The following EXT2 variants were observed in gnomAD, a reference collection of about 807,000 sequenced individuals.
EXT2 encodes exostosin-2.
In EXT2, 53 loss-of-function variants were observed where a neutral mutation model predicts 81.6. The ratio of observed to expected loss-of-function variants is 0.65; its 90% CI spans 0.52 to 0.82. EXT2 has a LOEUF of 0.82. Ranked by LOEUF, EXT2 falls within the 40% of genes least tolerant of loss-of-function variation. The pLI, the probability that EXT2 is intolerant of heterozygous loss-of-function variation, is 0.00. For missense variants in EXT2, 774 were observed against 910.2 expected (o/e 0.85, Z 1.93); for synonymous variants, 320 against 340.0 (o/e 0.94, Z 0.65).
chr11:44,113,227 A>G (rs75362362), intron 3 of EXT2, among the ~76,000 whole-genome samples: 1,736 of 152,290 alleles, frequency 0.011, 35 homozygotes, highest in African/African-American at 0.04. Flanking sequence ...TAAACTGGTC[A>G]TGTTAGAAGG....
chr11:44,154,381 G>C (rs138744118), intron 7 of EXT2, among the ~76,000 whole-genome samples: 13 of 152,142 alleles, frequency 8.5e-5, no homozygotes, highest in African/African-American at 3.1e-4. Context: ...AAATGAGTGA[G>C]AACATGCCAA....
intron 7 of EXT2, among the ~76,000 whole-genome samples, chr11:44,169,642 T>G (rs1472246947): frequency 6.6e-6 from 1 of 152,176 alleles, no homozygotes; most frequent in East Asian, 1.9e-4. Flanking sequence ...TATTTTTGGA[T>G]GAGATAATAT....
chr11:44,119,155 TATATATATATATATACAC>T (rs1954274532), intron 4 of EXT2, among the ~76,000 whole-genome samples: 1 of 45,270 alleles, frequency 2.2e-5, no homozygotes, highest in Non-Finnish European at 5.0e-5. Context: ...TATATATATA[TATATATATATATATACAC>T]ATACACACAC....
rs7109033 is a variant in EXT2 at position 44,245,786 on chromosome 11, T to G, written c.*1499T>G. ...AAAGAAAGTTTCAGAAGTAGCAAAG[T>G]TGGAAGTGGAAATCATAAGAGTTTT... On this transcript the variant is annotated 3_prime_UTR_variant, in exon 14 of 14. Transcript: ENST00000533608. Among the ~76,000 whole-genome samples, 39,154 of 152,134 alleles carry G rather than the reference T, an allele frequency of 0.26. 5,649 individuals carry two copies. The highest frequency in any genetic ancestry group is 0.33 in the Non-Finnish European group (22,352 of 67,990).
chr11:44,142,596 G>A (rs1954660755), intron 7 of EXT2, among the ~76,000 whole-genome samples: 1 of 152,162 alleles, frequency 6.6e-6, no homozygotes, highest in Admixed American at 6.5e-5. Flanking sequence ...CTTTTTTAAA[G>A]TTTCAGGTTA....
At position 44,124,901 on chromosome 11, in the gene EXT2, T is replaced by A; in HGVS notation, c.856T>A (p.Cys286Ser). 1 of 1,614,114 alleles carries A rather than the reference T, an allele frequency of 6.2e-7. No individual in the cohort carries two copies. ...HGESVLVLDK[C>S]TNLSEGVLSV... is the part of the protein sequence containing the mutation. ...AGAGTCAGTGTTAGTACTCGATAAATGCACCAACCTCTCAGAGGGTGTCCT... is the reference window on the plus strand; with the variant it reads ...AGAGTCAGTGTTAGTACTCGATAAAAGCACCAACCTCTCAGAGGGTGTCCT... The change falls in exon 5 of 14, where the codon TGC becomes AGC. Residue 286 changes from cysteine (C) to serine (S), a missense_variant. Around this residue, in one of 2 missense-constraint regions of EXT2, gnomAD observed 626 missense variants for 670.5 expected, o/e 0.93. Coordinates refer to ENST00000533608, the MANE Select transcript of EXT2 (RefSeq NM_207122.2).
intron 10 of EXT2, among the ~76,000 whole-genome samples, chr11:44,231,525 T>C (rs974209116): frequency 2.6e-5 from 4 of 152,158 alleles, no homozygotes; most frequent in Admixed American, 2.6e-4. Flanking sequence ...TGATTGAAAC[T>C]AGATGAGACT....
chr11:44,183,831 C>T (rs1955270888), intron 8 of EXT2, among the ~76,000 whole-genome samples: 1 of 152,158 alleles, frequency 6.6e-6, no homozygotes, highest in African/African-American at 2.4e-5. Context: ...TTTTTTCTCA[C>T]ATTTTTAATT....
intron 8 of EXT2, among the ~76,000 whole-genome samples, chr11:44,178,265 C>T (rs915311703): frequency 2.6e-5 from 4 of 152,174 alleles, no homozygotes; most frequent in African/African-American, 4.8e-5. Flanking sequence ...ACCTAGAATT[C>T]GCATTTCTAG....
At chr11:44,232,547 A>G in intron 11 of EXT2, 51 bp downstream of exon 11, 1 of 1,607,226 alleles carries the variant, frequency 6.2e-7, no homozygotes, top group Middle Eastern at 1.7e-4. Flanking sequence ...AATGATACAC[A>G]TTTTATTTGA....
intron 12 of EXT2, among the ~76,000 whole-genome samples, chr11:44,234,932 A>G (rs1345270583): frequency 1.3e-5 from 2 of 152,240 alleles, no homozygotes; most frequent in African/African-American, 2.4e-5. Context: ...GGGCAATGCC[A>G]GGTTCCCTAG....
At chr11:44,195,956 T>A (rs1023036680) in intron 8 of EXT2, among the ~76,000 whole-genome samples, 1 of 152,168 alleles carries the variant, frequency 6.6e-6, no homozygotes, top group Non-Finnish European at 1.5e-5. Flanking sequence ...ACCAAAACCA[T>A]TATATGCTTT....
At position 44,124,841 on chromosome 11, in the gene EXT2, A is replaced by G; in HGVS notation, c.796A>G (p.Arg266Gly). 1 of 1,614,120 alleles carries G rather than the reference A, an allele frequency of 6.2e-7. No homozygotes were observed. Among genetic ancestry groups the G allele is most frequent in the Non-Finnish European group, 8.5e-7 (1 of 1,180,016 alleles). The change falls in exon 5 of 14, where the codon AGA becomes GGA. Residue 266 changes from arginine (R) to glycine (G), a missense_variant. Arg to Gly is a moderately radical substitution (Grantham distance 125, BLOSUM62 -2). Coordinates refer to ENST00000533608, the MANE Select transcript of EXT2 (RefSeq NM_207122.2). ...SSQVGLHPEY[R>G]EDLEALQVKH... ...TCAGGTGGGTCTCCATCCTGAGTACAGAGAGGACCTAGAAGCCCTCCAGGT... is the reference window on the plus strand; with the variant it reads ...TCAGGTGGGTCTCCATCCTGAGTACGGAGAGGACCTAGAAGCCCTCCAGGT...
At position 44,227,387 on chromosome 11, in the gene EXT2, C is replaced by G. The variant is rs117198956; in HGVS notation, c.1663-4966C>G. ...AATTGGTGGGTTAGTTCCCTGGGAA[C>G]AGGTCAGTGAGGAGGAAGATAAAAA... is the stretch of plus-strand genomic sequence containing the variant. On this transcript the variant is annotated intron_variant, in intron 10 of 13. Transcript: ENST00000533608. Among the ~76,000 whole-genome samples, 741 of 152,328 alleles carry G rather than the reference C, an allele frequency of 4.9e-3. 7 individuals are homozygous for G. Among genetic ancestry groups the G allele is most frequent in the East Asian group, 0.043 (222 of 5,178 alleles).
At chr11:44,214,790 C>T (rs953607557) in intron 10 of EXT2, among the ~76,000 whole-genome samples, 6 of 150,940 alleles carry the variant, frequency 4.0e-5, no homozygotes, top group African/African-American at 9.8e-5. Context: ...CTCACTCTGT[C>T]ACCCAGGCTG....
chr11:44,097,730 G>A (rs1953918353), intron 1 of EXT2, among the ~76,000 whole-genome samples: 1 of 149,666 alleles, frequency 6.7e-6, no homozygotes, highest in African/African-American at 2.5e-5. Flanking sequence ...CTGCACTCCA[G>A]CCTGAGTGAC....
At chr11:44,130,825 G>A (rs1954482206) in intron 7 of EXT2, among the ~76,000 whole-genome samples, 1 of 152,214 alleles carries the variant, frequency 6.6e-6, no homozygotes, top group South Asian at 2.1e-4. Context: ...CAAAATCACC[G>A]ATGTGGGAGA....
intron 7 of EXT2, chr11:44,144,108 TTCTC>T: frequency 1.4e-6 from 1 of 722,620 alleles, no homozygotes; most frequent in Non-Finnish European, 2.4e-6. Flanking sequence ...TACGCTTTCT[TTCTC>T]CTGGTTTTAG....
intron 13 of EXT2, among the ~76,000 whole-genome samples, chr11:44,243,618 C>CTTTTTTTTTTTTTT (rs1215047805): frequency 1.6e-4 from 12 of 72,900 alleles, no homozygotes; most frequent in South Asian, 6.2e-4. Context: ...GCCCTGTCAC[C>CTTTTTTTTTTTTTT]TTTTTTTTTT....
Sources: gnomAD v4.1 joint callset for allele counts (sites outside exome capture counted in the v4.1 genomes callset) on GRCh38, gnomAD v4.1.1 for gene constraint, gnomAD v4.1.1 regional missense constraint, MANE v1.5 for transcripts, NCBI Gene and HGNC (gene_info 2026-07-23, HGNC 2026-07-21) for gene names.